Variants in CSMD1 observed in about 807,000 individuals in gnomAD.
The protein encoded by CSMD1 is CUB and sushi domain-containing protein 1.
In CSMD1, 213 loss-of-function variants were observed where a neutral mutation model predicts 417.5. The observed-to-expected ratio is 0.51, with a 90% CI of 0.46 to 0.57. The LOEUF (loss-of-function observed/expected upper bound fraction) is 0.57, where lower values mean the gene tolerates loss of function less well. Among genes scored for constraint, CSMD1 ranks in the 20% least tolerant of loss-of-function variants. CSMD1 has a pLI of 0.00. For synonymous variants in CSMD1, 2,862 were observed against 1,736.8 expected (o/e 1.65, Z -16.11); for missense variants, 6,923 against 4,529.7 (o/e 1.53, Z -15.17).
At chr8:4,335,039 C>G (rs961502699) in intron 3 of CSMD1, among the ~76,000 whole-genome samples, 3 of 152,052 alleles carry the variant, frequency 2.0e-5, no homozygotes, top group Non-Finnish European at 4.4e-5. Context: ...GTAGCTGGGA[C>G]CACAGATGCA....
At chr8:3,951,979 C>A (rs7005154) in intron 5 of CSMD1, among the ~76,000 whole-genome samples, 8 of 151,926 alleles carry the variant, frequency 5.3e-5, no homozygotes, top group Admixed American at 2.6e-4. Context: ...AGGAAATTTT[C>A]CCTGATTACA....
At chr8:4,022,112 G>T in intron 4 of CSMD1, among the ~76,000 whole-genome samples, 1 of 112,642 alleles carries the variant, frequency 8.9e-6, no homozygotes, top group Non-Finnish European at 1.8e-5. Flanking sequence ...TATATGAATG[G>T]ATATAGAATA....
chr8:3,899,029 G>C (rs545038761), intron 5 of CSMD1, among the ~76,000 whole-genome samples: 24 of 152,220 alleles, frequency 1.6e-4, no homozygotes, highest in African/African-American at 5.5e-4. Flanking sequence ...AAGGTCGTAC[G>C]CGTCCAGGAA....
chr8:4,805,300 A>G (rs1490360398), intron 1 of CSMD1, among the ~76,000 whole-genome samples: 1 of 152,246 alleles, frequency 6.6e-6, no homozygotes, highest in African/African-American at 2.4e-5. Context: ...TCTATGCAAT[A>G]TGCTTCATGT....
At chr8:4,340,379 T>C (rs1800406275) in intron 3 of CSMD1, among the ~76,000 whole-genome samples, 1 of 151,994 alleles carries the variant, frequency 6.6e-6, no homozygotes, top group African/African-American at 2.4e-5. Context: ...ATGTAGAAAA[T>C]AACACTCTTG....
intron 5 of CSMD1, among the ~76,000 whole-genome samples, chr8:3,844,894 T>G (rs146999638): frequency 0.057 from 8,714 of 152,218 alleles, 9 homozygotes; most frequent in African/African-American, 0.18. Flanking sequence ...AAAATTCTTG[T>G]CAATATTTGT....
At chr8:3,733,259 C>CAT (rs1554525034) in intron 6 of CSMD1, among the ~76,000 whole-genome samples, 3 of 147,314 alleles carry the variant, frequency 2.0e-5, no homozygotes, top group South Asian at 4.2e-4. Flanking sequence ...AATATATATA[C>CAT]ACATACACAT....
At chr8:3,214,039 T>A (rs879527711) in intron 30 of CSMD1, among the ~76,000 whole-genome samples, 3 of 151,740 alleles carry the variant, frequency 2.0e-5, no homozygotes, top group Non-Finnish European at 4.4e-5. Flanking sequence ...GGAGACAGGG[T>A]TTCACCATCT....
chr8:4,181,343 G>A (rs1406172583), intron 3 of CSMD1, among the ~76,000 whole-genome samples: 1 of 151,126 alleles, frequency 6.6e-6, no homozygotes, highest in Non-Finnish European at 1.5e-5. Context: ...AAATGCAATG[G>A]TACGGTTTCT....
At chr8:3,671,493 G>T (rs1221494294) in intron 7 of CSMD1, among the ~76,000 whole-genome samples, 1 of 8,154 alleles carries the variant, frequency 1.2e-4, no homozygotes, top group East Asian at 2.4e-3. Flanking sequence ...TCATATATAT[G>T]ATCATATATA....
In CSMD1 at chr8:3,863,659, A is replaced by C. The variant is rs74762497; in HGVS notation, c.819-109617T>G. On this transcript the variant is annotated intron_variant, in intron 5 of 69. Transcript: ENST00000635120. ...TACTGTAAGTTACAAATATTCTAACACACACACACACATTTCTCATATATG... is the reference window on the plus strand; with the variant it reads ...TACTGTAAGTTACAAATATTCTAACCCACACACACACATTTCTCATATATG... Among the ~76,000 whole-genome samples, 1,260 of 152,042 alleles carry C rather than the reference A, an allele frequency of 8.3e-3. 16 individuals are homozygous for C. The highest frequency in any genetic ancestry group is 0.026 in the African/African-American group (1,094 of 41,504).
At chr8:4,097,042 C>T (rs1002163249) in intron 3 of CSMD1, among the ~76,000 whole-genome samples, 1 of 152,164 alleles carries the variant, frequency 6.6e-6, no homozygotes, top group African/African-American at 2.4e-5. Flanking sequence ...TTTTAATTAA[C>T]TGATGCCTCA....
At chr8:4,638,347 A>G (rs1490455425) in intron 1 of CSMD1, among the ~76,000 whole-genome samples, 4 of 152,228 alleles carry the variant, frequency 2.6e-5, no homozygotes, top group East Asian at 1.9e-4. Flanking sequence ...AACAAGGTCA[A>G]TACGCCAGTG....
At chr8:4,005,432 G>C (rs1043830318) in intron 4 of CSMD1, among the ~76,000 whole-genome samples, 3 of 152,204 alleles carry the variant, frequency 2.0e-5, no homozygotes, top group Non-Finnish European at 4.4e-5. Flanking sequence ...ACACAGACAA[G>C]TGCTTTGCAG....
chr8:4,928,738 G>A (rs770335759), intron 1 of CSMD1, among the ~76,000 whole-genome samples: 1 of 152,018 alleles, frequency 6.6e-6, no homozygotes, highest in Non-Finnish European at 1.5e-5. Context: ...CTCAGAATAG[G>A]ATTTTATTTG....
intron 8 of CSMD1, among the ~76,000 whole-genome samples, chr8:3,597,772 T>G (rs1801163086): frequency 1.3e-5 from 2 of 150,932 alleles, no homozygotes; most frequent in African/African-American, 4.9e-5. Context: ...CACTCATAAG[T>G]GGGAGTTGAA....
At chr8:3,565,898 A>C (rs13252509) in intron 10 of CSMD1, among the ~76,000 whole-genome samples, 1 of 151,872 alleles carries the variant, frequency 6.6e-6, no homozygotes, top group African/African-American at 2.4e-5. Context: ...ATAAGGCTCT[A>C]GATTTTCCTG....
At chr8:4,328,977 A>G (rs558174473) in intron 3 of CSMD1, among the ~76,000 whole-genome samples, 169 of 152,298 alleles carry the variant, frequency 1.1e-3, no homozygotes, top group Middle Eastern at 3.4e-3. Context: ...CTCTTCTGTG[A>G]TATTTATTTT....
intron 3 of CSMD1, among the ~76,000 whole-genome samples, chr8:4,222,618 C>T (rs932977027): frequency 6.6e-6 from 1 of 152,164 alleles, no homozygotes; most frequent in Non-Finnish European, 1.5e-5. Flanking sequence ...TCCCACAAAT[C>T]AAGAACTGTC....
Sources: gnomAD v4.1 joint callset for allele counts (sites outside exome capture counted in the v4.1 genomes callset) on GRCh38, gnomAD v4.1.1 for gene constraint, MANE v1.5 for transcripts, NCBI Gene and HGNC (gene_info 2026-07-23, HGNC 2026-07-21) for gene names.